Variants in DYNC1H1 observed in about 807,000 individuals in gnomAD.
The protein encoded by DYNC1H1 is dynein cytoplasmic 1 heavy chain 1.
Under a neutral mutation model 527.1 loss-of-function variants are expected in DYNC1H1, and 51 were observed. The observed-to-expected ratio is 0.10, with a 90% CI of 0.08 to 0.12. The LOEUF (loss-of-function observed/expected upper bound fraction) is 0.12. DYNC1H1 is among the 10% of genes least tolerant of loss of function. The pLI is 1.00. For missense variants in DYNC1H1, 2,771 were observed against 5,971.8 expected (o/e 0.46, Z 17.66); for synonymous variants, 2,189 against 2,278.8 (o/e 0.96, Z 1.12).
chr14:102,043,519 A>G, intron 69 of DYNC1H1: 1 of 362,086 alleles, frequency 2.8e-6, no homozygotes, highest in Middle Eastern at 9.9e-4. Context: ...GAGCCCTCCC[A>G]GGCGCCAAGT....
At position 102,018,160 on chromosome 14, in the gene DYNC1H1, T is replaced by C. The variant is rs561079666; in HGVS notation, c.8178-291T>C. On this transcript the variant is annotated intron_variant, in intron 40 of 77. Transcript: ENST00000360184. The surrounding 1 kb of genome is among the most constrained non-coding windows in gnomAD (Gnocchi z 5.2). The stretch of plus-strand genomic sequence containing the variant: ...AATAAAAGCATTGATCTCTTGGTAG[T>C]GATGAACTGCTCCAGACTCATCTGT... Among the ~76,000 whole-genome samples the C allele has an allele frequency of 6.6e-6, 1 of 152,354 alleles. No homozygotes were observed. The highest frequency in any genetic ancestry group is 1.9e-4 in the East Asian group (1 of 5,188).
In DYNC1H1 at chr14:101,968,487, G is replaced by A. The variant is rs149241519; in HGVS notation, c.256+3540G>A. 1.2e-3 allele frequency among the ~76,000 whole-genome samples: 180 copies of A among 151,906 alleles called. 1 individual carries two copies. Among genetic ancestry groups the A allele is most frequent in the African/African-American group, 4.2e-3 (172 of 41,398 alleles). On this transcript the variant is annotated intron_variant, in intron 1 of 77. Transcript: ENST00000360184. ...GGGCTCAAGCAATACTTCCACCTCC[G>A]CCTGCCAAAGTGCTGGGATTACAGG...
Position 102,017,103 on chromosome 14 carries a change from T to C in DYNC1H1, c.7864T>C (p.Phe2622Leu), listed in dbSNP as rs1237088147. Residue 2622 changes from phenylalanine (F) to leucine (L), a missense_variant, in exon 39 of 78, where the codon TTC becomes CTC. By Grantham distance (22) the Phe-to-Leu change is conservative. This residue lies in a region of DYNC1H1 where 163 missense variants were observed against 346.9 expected (regional missense o/e 0.47). Coordinates refer to ENST00000360184, the MANE Select transcript of DYNC1H1 (RefSeq NM_001376.5). This position sits in a 1 kb window ranked among gnomAD's most constrained non-coding sequence, Gnocchi z 4.6. ...CCCTCCAAAGGTGGTGGGTCTCAACTTCTCCAGTGCTACTACTCCAGAGCT... is the reference window on the plus strand; with the variant it reads ...CCCTCCAAAGGTGGTGGGTCTCAACCTCTCCAGTGCTACTACTCCAGAGCT... ...LPDMEVVGLN[F>L]SSATTPELLL... 3 of 1,614,146 alleles carry C rather than the reference T, an allele frequency of 1.9e-6. No individual in the cohort carries two copies. The Admixed American group carries it at 5.0e-5, about 27-fold the overall frequency.
chr14:102,033,655 A>G lies in DYNC1H1; in HGVS notation c.10413+171A>G. The G allele has an allele frequency of 1.2e-6, 1 of 833,518 alleles. No homozygotes were observed. The highest frequency in any genetic ancestry group is 1.9e-6 in the Non-Finnish European group (1 of 518,492). 51.6% of individuals were successfully genotyped at this position (833,518 alleles called of 1,614,324 possible). ...AATAATACACACTGAGTAGTCACTAAGTGTTGTTAATTAGGATAGATTGAT... is the reference window on the plus strand; with the variant it reads ...AATAATACACACTGAGTAGTCACTAGGTGTTGTTAATTAGGATAGATTGAT... On this transcript the variant is annotated intron_variant, in intron 54 of 77. Transcript: ENST00000360184. The surrounding 1 kb of genome is among the most constrained non-coding windows in gnomAD (Gnocchi z 5.6).
chr14:102,007,229 C>T, intron 28 of DYNC1H1, 121 bp downstream of exon 28: 1 of 951,900 alleles, frequency 1.1e-6, no homozygotes, highest in Non-Finnish European at 1.6e-6. Flanking sequence ...TTTATATGGC[C>T]TCCTGAGTCC....
At chr14:101,993,827 C>T (rs1407991032) in intron 11 of DYNC1H1, among the ~76,000 whole-genome samples, 1 of 152,176 alleles carries the variant, frequency 6.6e-6, no homozygotes, top group Non-Finnish European at 1.5e-5. Flanking sequence ...GTCTCTCCTC[C>T]CATAGAGTGT....
intron 72 of DYNC1H1, 177 bp from the exon 73 acceptor site, chr14:102,047,640 T>C (rs2048741187): frequency 5.9e-6 from 2 of 339,266 alleles, no homozygotes; most frequent in East Asian, 6.0e-5. Context: ...TGTGTGTGTG[T>C]GTATATATAT....
intron 9 of DYNC1H1, 122 bp downstream of exon 9, chr14:101,987,754 C>T (rs1035004694): frequency 2.6e-6 from 3 of 1,156,564 alleles, no homozygotes; most frequent in Non-Finnish European, 3.8e-6. Context: ...TTCAATTCCC[C>T]TCCAAAATCT....
chr14:101,991,713 G>A, intron 11 of DYNC1H1, 40 bp downstream of exon 11: 1 of 1,613,452 alleles, frequency 6.2e-7, no homozygotes, highest in Non-Finnish European at 8.5e-7. Flanking sequence ...CTCTGACCAG[G>A]ACTCTCATGG....
Position 102,016,743 on chromosome 14 carries a change from C to G in DYNC1H1, c.7615-23C>G, listed in dbSNP as rs1323499013. On this transcript the variant is annotated intron_variant, in intron 37 of 77. Transcript: ENST00000360184. This position sits in a 1 kb window ranked among gnomAD's most constrained non-coding sequence, Gnocchi z 7.3. ...GAGGCACCTTGGTTGCAGCCGGACTCACACTTCCATCTCCGTGTGTAGGTG... is the reference window on the plus strand; with the variant it reads ...GAGGCACCTTGGTTGCAGCCGGACTGACACTTCCATCTCCGTGTGTAGGTG... 3.7e-6 allele frequency: 6 copies of G among 1,611,426 alleles called. No individual in the cohort carries two copies. Among genetic ancestry groups the G allele is most frequent in the Non-Finnish European group, 5.1e-6 (6 of 1,178,946 alleles).
In DYNC1H1 at chr14:102,016,768, G is replaced by A; in HGVS notation, c.7617G>A (p.Val2539=). The A allele has an allele frequency of 6.2e-7, 1 of 1,613,526 alleles. No homozygotes were observed. Among genetic ancestry groups the A allele is most frequent in the African/African-American group, 1.3e-5 (1 of 75,056 alleles). Reference sequence around the variant, plus strand: ...CACACTTCCATCTCCGTGTGTAGGTGTCCATCAGCGGAGAATGGTCTCCGT... The same window carrying A: ...CACACTTCCATCTCCGTGTGTAGGTATCCATCAGCGGAGAATGGTCTCCGT... ...APNIPIIDYE[V]SISGEWSPWQ... is the part of the protein sequence containing the mutation. Residue 2539 remains valine, a splice_region_variant and synonymous_variant, in exon 38 of 78, where the codon GTG becomes GTA. Coordinates refer to ENST00000360184, the MANE Select transcript of DYNC1H1 (RefSeq NM_001376.5). This position sits in a 1 kb window ranked among gnomAD's most constrained non-coding sequence, Gnocchi z 7.3.
intron 16 of DYNC1H1, among the ~76,000 whole-genome samples, chr14:101,998,895 T>TTGTTTTTTTGTTTTTTTGTTTG: frequency 6.7e-6 from 1 of 148,728 alleles, no homozygotes; most frequent in African/African-American, 2.5e-5. Context: ...TTTTTTTTTT[T>TTGTTTTTTTGTTTTTTTGTTTG]TTTTGAGACG....
chr14:102,046,337 G>T (rs1323542166), intron 72 of DYNC1H1, among the ~76,000 whole-genome samples: 1 of 152,134 alleles, frequency 6.6e-6, no homozygotes, highest in Non-Finnish European at 1.5e-5. Flanking sequence ...GTCACGAAAA[G>T]CTAAGAAGAC....
In DYNC1H1 at chr14:102,015,980, G is replaced by A. The variant is rs780986838; in HGVS notation, c.7367G>A (p.Gly2456Asp). 1 of 1,613,968 alleles carries A rather than the reference G, an allele frequency of 6.2e-7. No homozygotes were observed. ...IMDLTRLRCL[G>D]SLFSMLHQAC... ...GACCTAACACGCCTGCGCTGCCTGG[G>A]CTCGCTCTTCTCCATGCTGCACCAG... is the stretch of plus-strand genomic sequence containing the variant. Residue 2456 changes from glycine to aspartate, a missense_variant, in exon 36 of 78, where the codon GGC becomes GAC. Transcript: ENST00000360184. This position sits in a 1 kb window ranked among gnomAD's most constrained non-coding sequence, Gnocchi z 6.9.
At position 101,979,496 on chromosome 14, in the gene DYNC1H1, A is replaced by G. The variant is rs754052535; in HGVS notation, c.518+4A>G. 1 of 1,614,128 alleles carries G rather than the reference A, an allele frequency of 6.2e-7. No homozygotes were observed. ...GAGAGTCTGGCAAGGCAGACAGGTA[A>G]AAACTGTGGTTTGAATGTTATATTT... On this transcript the variant is annotated splice_donor_region_variant and intron_variant, in intron 3 of 77. Transcript: ENST00000360184. This position sits in a 1 kb window ranked among gnomAD's most constrained non-coding sequence, Gnocchi z 4.6.
At position 101,979,583 on chromosome 14, in the gene DYNC1H1, G is replaced by T. The variant is rs1031443791; in HGVS notation, c.518+91G>T. 1 of 1,606,254 alleles carries T rather than the reference G, an allele frequency of 6.2e-7. No homozygotes were observed. The highest frequency in any genetic ancestry group is 1.3e-5 in the African/African-American group (1 of 74,726). On this transcript the variant is annotated intron_variant, in intron 3 of 77. Transcript: ENST00000360184. The surrounding 1 kb of genome is among the most constrained non-coding windows in gnomAD (Gnocchi z 4.6). Reference sequence around the variant, plus strand: ...AAAACTTGGGAATTGGGAGGGTAACGCTAGTGAGCCGAGGGGATATAAACC... The same window carrying T: ...AAAACTTGGGAATTGGGAGGGTAACTCTAGTGAGCCGAGGGGATATAAACC...
Position 102,034,047 on chromosome 14 carries a change from T to C in DYNC1H1, c.10485T>C (p.Thr3495=), listed in dbSNP as rs768458167. 7 of 1,614,026 alleles carry C rather than the reference T, an allele frequency of 4.3e-6. No homozygotes were observed. Among genetic ancestry groups the C allele is most frequent in the Non-Finnish European group, 5.9e-6 (7 of 1,180,044 alleles). Residue 3495 remains threonine, a synonymous_variant, in exon 55 of 78, where the codon ACT becomes ACC. Coordinates refer to ENST00000360184, the MANE Select transcript of DYNC1H1 (RefSeq NM_001376.5). ...ERERWEKTSE[T]FKNQMSTIAG... is the part of the protein sequence containing the mutation. The stretch of plus-strand genomic sequence containing the variant: ...AACGATGGGAAAAAACAAGTGAAAC[T>C]TTCAAAAACCAGATGTCCACCATTG...
chr14:101,982,949 T>G (rs2047885594), intron 5 of DYNC1H1, 70 bp from the exon 6 acceptor site: 1 of 1,559,832 alleles, frequency 6.4e-7, no homozygotes, highest in South Asian at 1.1e-5. Flanking sequence ...TCCATTGTAA[T>G]GGCATATTTT....
At chr14:101,977,286 A>G (rs1219118699) in intron 2 of DYNC1H1, among the ~76,000 whole-genome samples, 2 of 152,238 alleles carry the variant, frequency 1.3e-5, no homozygotes, top group Admixed American at 1.3e-4. Flanking sequence ...TGTAAATGTC[A>G]TAATGGATTC....
Sources: allele counts gnomAD v4.1 joint callset (sites outside exome capture counted in the v4.1 genomes callset), GRCh38; gene constraint gnomAD v4.1.1; regional missense constraint gnomAD v4.1.1; non-coding constraint Gnocchi (gnomAD v3.1); transcripts MANE v1.5; gene names NCBI Gene and HGNC (gene_info 2026-07-23, HGNC 2026-07-21).